Variants in ADORA2B observed in about 807,000 individuals in gnomAD.
ADORA2B encodes adenosine receptor A2b.
Under a neutral mutation model 20.8 loss-of-function variants are expected in ADORA2B, and 18 were observed. The observed-to-expected ratio is 0.87, with a 90% CI of 0.60 to 1.29. The LOEUF (loss-of-function observed/expected upper bound fraction) is 1.29, where lower values mean the gene tolerates loss of function less well. Ranked by LOEUF, ADORA2B falls within the 50% of genes most tolerant of loss-of-function variation. The pLI is 0.00. For synonymous variants in ADORA2B, 179 were observed against 178.3 expected (o/e 1.00, Z -0.03); for missense variants, 441 against 422.7 (o/e 1.04, Z -0.38).
At chr17:15,865,147 A>G in the ADORA2B span, among the ~76,000 whole-genome samples, 1 of 152,262 alleles carries the variant, frequency 6.6e-6, no homozygotes, top group African/African-American at 2.4e-5. Context: ...CTAGGACAGT[A>G]TCTGTTTTCT....
At chr17:15,904,446 T>A in the ADORA2B span, among the ~76,000 whole-genome samples, 1 of 147,972 alleles carries the variant, frequency 6.8e-6, no homozygotes, top group Non-Finnish European at 1.5e-5. Context: ...CAGGCTGGAG[T>A]GCAGTGGTGC....
At chr17:15,957,514 A>G (rs1969982382) in intron 1 of ADORA2B, among the ~76,000 whole-genome samples, 1 of 152,166 alleles carries the variant, frequency 6.6e-6, no homozygotes, top group Non-Finnish European at 1.5e-5. Context: ...TGTGGACATG[A>G]AGGAGAAGAA....
At chr17:15,894,034 C>T in the ADORA2B span, among the ~76,000 whole-genome samples, 1,535 of 152,310 alleles carry the variant, frequency 0.01, 37 homozygotes, top group African/African-American at 0.035. Context: ...CCATGGGCAG[C>T]AGTTTGTCAA....
the ADORA2B span, among the ~76,000 whole-genome samples, chr17:15,888,309 C>T: frequency 1.5e-5 from 2 of 129,602 alleles, no homozygotes; most frequent in African/African-American, 6.6e-5. Context: ...TGGTCACCAG[C>T]CCTCATGGCT....
At chr17:15,878,634 C>A in the ADORA2B span, among the ~76,000 whole-genome samples, 1 of 152,164 alleles carries the variant, frequency 6.6e-6, no homozygotes, top group Non-Finnish European at 1.5e-5. Flanking sequence ...TCATGACAGT[C>A]TGAAACAACT....
chr17:15,973,650 C>T (rs535871498), intron 1 of ADORA2B, among the ~76,000 whole-genome samples: 1 of 152,282 alleles, frequency 6.6e-6, no homozygotes, highest in East Asian at 1.9e-4. Flanking sequence ...CTGTGCGCTC[C>T]TTATGAGAAT....
At chr17:15,949,572 G>A (rs939303827) in intron 1 of ADORA2B, among the ~76,000 whole-genome samples, 1 of 151,736 alleles carries the variant, frequency 6.6e-6, no homozygotes, top group African/African-American at 2.4e-5. Context: ...GGTAATGTTC[G>A]AAATAAAGCT....
upstream of ADORA2B, chr17:15,944,969 C>T (rs1440400185): frequency 7.9e-6 from 2 of 254,166 alleles, no homozygotes; most frequent in East Asian, 7.7e-5. The surrounding 1 kb of genome is among the most constrained non-coding windows in gnomAD (Gnocchi z 4.8). Context: ...GCGCCTGGAC[C>T]GGAGGGGCCC....
chr17:15,867,242 G>A, the ADORA2B span, among the ~76,000 whole-genome samples: 6 of 152,044 alleles, frequency 3.9e-5, no homozygotes, highest in Admixed American at 2.0e-4. Flanking sequence ...CTGCCTGGCC[G>A]CCCATTGTCT....
At chr17:15,890,616 T>A in the ADORA2B span, among the ~76,000 whole-genome samples, 2 of 152,142 alleles carry the variant, frequency 1.3e-5, no homozygotes, top group Non-Finnish European at 2.9e-5. Flanking sequence ...CTGGAACTCA[T>A]CTCTAGGAAA....
At chr17:15,889,936 T>C in the ADORA2B span, among the ~76,000 whole-genome samples, 1 of 130,122 alleles carries the variant, frequency 7.7e-6, no homozygotes, top group South Asian at 2.3e-4. Flanking sequence ...CTTAGCCTAA[T>C]TGATAATTCA....
At chr17:15,928,155 G>A in the ADORA2B span, among the ~76,000 whole-genome samples, 6 of 152,098 alleles carry the variant, frequency 3.9e-5, no homozygotes, top group Non-Finnish European at 5.9e-5. Context: ...ACAAACTGCT[G>A]AGCAGTTGAG....
intron 1 of ADORA2B, among the ~76,000 whole-genome samples, chr17:15,956,561 ACTT>A (rs1969968440): frequency 8.2e-6 from 1 of 122,134 alleles, no homozygotes; most frequent in African/African-American, 3.2e-5. Context: ...ATCATCCTCT[ACTT>A]CTTTTTTTAG....
At chr17:15,925,127 C>T in the ADORA2B span, among the ~76,000 whole-genome samples, 2 of 152,230 alleles carry the variant, frequency 1.3e-5, no homozygotes, top group Non-Finnish European at 2.9e-5. Flanking sequence ...CCTCCACCTC[C>T]CGGGTTCAGG....
chr17:15,914,547 G>A, the ADORA2B span, among the ~76,000 whole-genome samples: 1 of 152,200 alleles, frequency 6.6e-6, no homozygotes, highest in Admixed American at 6.5e-5. Flanking sequence ...TGCCATTGCA[G>A]CCAATAATCA....
chr17:15,975,061 G>A lies in ADORA2B; in HGVS notation c.718G>A (p.Val240Met), dbSNP rs1004103681. The change falls in exon 2 of 2, where the codon GTG becomes ATG. Residue 240 changes from valine to methionine, a missense_variant. Val to Met is a conservative substitution (Grantham distance 21). Coordinates refer to ENST00000304222, the MANE Select transcript of ADORA2B (RefSeq NM_000676.4). ...IHAAKSLAMI[V>M]GIFALCWLPV... ...TGCAGCCAAGTCACTGGCCATGATT[G>A]TGGGGATTTTTGCCCTGTGCTGGTT... is the stretch of plus-strand genomic sequence containing the variant. 1 of 1,614,146 alleles carries A rather than the reference G, an allele frequency of 6.2e-7. No individual in the cohort carries two copies.
chr17:15,867,075 G>A, the ADORA2B span, among the ~76,000 whole-genome samples: 11 of 152,308 alleles, frequency 7.2e-5, no homozygotes, highest in Non-Finnish European at 1.5e-4. Flanking sequence ...ACGGAGTCGC[G>A]TTCACTCAGT....
At chr17:15,970,335 C>T (rs1161876594) in intron 1 of ADORA2B, among the ~76,000 whole-genome samples, 13 of 152,290 alleles carry the variant, frequency 8.5e-5, no homozygotes, top group African/African-American at 2.2e-4. Flanking sequence ...TTTCCTTATC[C>T]AAGAGAAGGC....
the ADORA2B span, among the ~76,000 whole-genome samples, chr17:15,896,154 C>G: frequency 6.6e-6 from 1 of 152,160 alleles, no homozygotes. Context: ...TTCTCAGATA[C>G]AGGAAGCCCC....
Sources: gnomAD v4.1 joint callset for allele counts (sites outside exome capture counted in the v4.1 genomes callset) on GRCh38, gnomAD v4.1.1 for gene constraint, Gnocchi (gnomAD v3.1) non-coding constraint, MANE v1.5 for transcripts, NCBI Gene and HGNC (gene_info 2026-07-23, HGNC 2026-07-21) for gene names.